SLC9B1: variants seen among roughly 807,000 people sequenced by gnomAD.
The protein encoded by SLC9B1 is solute carrier family 9 member B1.
In SLC9B1, 32 loss-of-function variants were observed where a neutral mutation model predicts 51.7. The observed-to-expected ratio is 0.62, with a 90% confidence interval of 0.47 to 0.83. The LOEUF is 0.83. Among genes scored for constraint, SLC9B1 ranks in the 40% least tolerant of loss-of-function variants. SLC9B1 has a pLI of 0.00. For synonymous variants in SLC9B1, 145 were observed against 212.7 expected (o/e 0.68, Z 2.77); for missense variants, 406 against 613.2 (o/e 0.66, Z 3.57).
intron 3 of SLC9B1, chr4:102,963,006 T>C: frequency 4.4e-6 from 2 of 459,164 alleles, no homozygotes; most frequent in Non-Finnish European, 8.8e-6. Context: ...GTCCCATTGA[T>C]GTGCATGGTC....
intron 1 of SLC9B1, among the ~76,000 whole-genome samples, chr4:103,006,483 G>A (rs898921399): frequency 1.3e-5 from 2 of 152,116 alleles, no homozygotes; most frequent in East Asian, 3.8e-4. Context: ...AATGAATTCT[G>A]AAATTGAATC....
intron 3 of SLC9B1, among the ~76,000 whole-genome samples, chr4:102,958,871 C>T (rs1324420846): frequency 1.3e-5 from 2 of 151,324 alleles, no homozygotes; most frequent in Admixed American, 6.6e-5. Flanking sequence ...TGCAGTGAGC[C>T]GAGATCCCAC....
At chr4:102,899,367 C>T (rs1226311170), downstream of SLC9B1, among the ~76,000 whole-genome samples, 1 of 149,356 alleles carries the variant, frequency 6.7e-6, no homozygotes, top group Non-Finnish European at 1.5e-5. Flanking sequence ...AAATCTAATC[C>T]TCTTGTGAAT....
intron 6 of SLC9B1, among the ~76,000 whole-genome samples, chr4:102,935,756 AG>A (rs1195295658): frequency 6.6e-6 from 1 of 152,238 alleles, no homozygotes; most frequent in African/African-American, 2.4e-5. Flanking sequence ...TTAGAAGTCC[AG>A]AACATTATTT....
chr4:102,997,688 GT>G (rs1740299684), intron 1 of SLC9B1, among the ~76,000 whole-genome samples: 1 of 151,962 alleles, frequency 6.6e-6, no homozygotes, highest in Admixed American at 6.6e-5. Flanking sequence ...TGCTGTTACA[GT>G]TGTTCTAAAT....
chr4:102,967,047 G>A (rs201824225), intron 3 of SLC9B1, among the ~76,000 whole-genome samples: 7,533 of 85,810 alleles, frequency 0.088, no homozygotes, highest in South Asian at 0.13. Flanking sequence ...GGTCTAACAA[G>A]GATGACTTGG....
intron 5 of SLC9B1, among the ~76,000 whole-genome samples, chr4:102,945,677 A>C (rs1212431432): frequency 6.6e-6 from 1 of 152,138 alleles, no homozygotes; most frequent in Non-Finnish European, 1.5e-5. Flanking sequence ...TGTTTGATTA[A>C]CTTAATAAGT....
chr4:102,901,057 T>A lies in SLC9B1; in HGVS notation c.*60A>T. On this transcript the variant is annotated 3_prime_UTR_variant, in exon 12 of 12. Transcript: ENST00000296422. ...TCCCCACATATTTCTACTTTAAAAT[T>A]CTTCTGTCATGTGAAATAATTCATT... The A allele has an allele frequency of 6.2e-7, 1 of 1,604,380 alleles. No individual in the cohort carries two copies. Among genetic ancestry groups the A allele is most frequent in the Non-Finnish European group, 8.5e-7 (1 of 1,177,752 alleles).
intron 7 of SLC9B1, among the ~76,000 whole-genome samples, chr4:102,921,917 C>T (rs1250981473): frequency 1.3e-5 from 2 of 152,088 alleles, no homozygotes; most frequent in African/African-American, 4.8e-5. Context: ...AAAGCAGGTC[C>T]TTAGAGACTT....
At chr4:102,946,535 T>G in intron 5 of SLC9B1, 112 bp downstream of exon 5, 2 of 1,204,026 alleles carry the variant, frequency 1.7e-6, no homozygotes, top group Admixed American at 2.6e-5. Flanking sequence ...TTATCTTAGG[T>G]TTGTTTACAG....
intron 1 of SLC9B1, among the ~76,000 whole-genome samples, chr4:103,012,824 C>A (rs925413903): frequency 2.6e-5 from 4 of 152,138 alleles, no homozygotes; most frequent in African/African-American, 9.7e-5. Flanking sequence ...ATTGTGTCCT[C>A]ACATGGTGGA....
At chr4:102,916,233 T>C (rs2110437699) in intron 7 of SLC9B1, among the ~76,000 whole-genome samples, 1 of 151,996 alleles carries the variant, frequency 6.6e-6, no homozygotes, top group African/African-American at 2.4e-5. Flanking sequence ...AGGTTGAAAG[T>C]GAAAGGATGG....
At chr4:102,977,314 A>C (rs1035710712) in intron 3 of SLC9B1, among the ~76,000 whole-genome samples, 28 of 143,894 alleles carry the variant, frequency 1.9e-4, no homozygotes, top group Middle Eastern at 3.6e-3. Flanking sequence ...AAAAAAAAAA[A>C]AACAGAAAAA....
chr4:103,000,929 T>C (rs555691985), intron 1 of SLC9B1, among the ~76,000 whole-genome samples: 2 of 152,366 alleles, frequency 1.3e-5, no homozygotes, highest in Admixed American at 1.3e-4. Context: ...CTACATTTCC[T>C]TTCCACACTG....
At position 102,970,246 on chromosome 4, in the gene SLC9B1, G is replaced by A. The variant is rs541599006; in HGVS notation, c.211+19554C>T. Among the ~76,000 whole-genome samples the A allele has an allele frequency of 4.1e-4, 62 of 152,246 alleles. No homozygotes were observed. In the South Asian group the frequency reaches 8.5e-3, roughly 21 times the overall value. ...TTAAGGGCAGCCAGAGAGAAAGGTC[G>A]GGTTAGCCACAAAGGGAAGCACATC... On this transcript the variant is annotated intron_variant, in intron 3 of 11. Transcript: ENST00000296422.
At chr4:102,938,405 A>G (rs1300428657) in intron 6 of SLC9B1, among the ~76,000 whole-genome samples, 1 of 152,240 alleles carries the variant, frequency 6.6e-6, no homozygotes, top group Non-Finnish European at 1.5e-5. Flanking sequence ...AGAAACTTAG[A>G]TAACCACAGA....
intron 3 of SLC9B1, among the ~76,000 whole-genome samples, chr4:102,968,155 T>C (rs190007918): frequency 3.3e-5 from 5 of 152,202 alleles, no homozygotes; most frequent in Non-Finnish European, 7.3e-5. Flanking sequence ...TTAAGAGAGA[T>C]AGATAGATCA....
chr4:102,981,986 C>T (rs745474130), intron 3 of SLC9B1, among the ~76,000 whole-genome samples: 3 of 152,038 alleles, frequency 2.0e-5, no homozygotes, highest in Non-Finnish European at 4.4e-5. Flanking sequence ...TACCAAAGGT[C>T]ATCTAGATTT....
rs1447519115 is a variant in SLC9B1 at position 102,949,240 on chromosome 4, G to A, written c.382+17C>T. ...TATAGTCAATAATAAAGAAAAGAGA[G>A]CTAATTATATACTTACCAAGAAGAG... On this transcript the variant is annotated intron_variant, in intron 4 of 11. Coordinates refer to ENST00000296422, the MANE Select transcript of SLC9B1 (RefSeq NM_139173.4). The A allele has an allele frequency of 1.9e-5, 29 of 1,506,290 alleles. No individual in the cohort carries two copies. The highest frequency in any genetic ancestry group is 2.7e-5 in the South Asian group (2 of 74,590). 93.3% of individuals were successfully genotyped at this position (1,506,290 alleles called of 1,614,324 possible).
Sources: allele counts gnomAD v4.1 joint callset (sites outside exome capture counted in the v4.1 genomes callset), GRCh38; gene constraint gnomAD v4.1.1; transcripts MANE v1.5; gene names NCBI Gene and HGNC (gene_info 2026-07-23, HGNC 2026-07-21).